Variants in ZKSCAN3 observed in about 807,000 individuals in gnomAD.
The protein encoded by ZKSCAN3 is zinc finger with KRAB and SCAN domains 3.
ZKSCAN3 carries 21 observed loss-of-function variants against 30.7 expected under a neutral mutation model. The observed-to-expected ratio is 0.68, with a 90% CI of 0.49 to 0.99. The LOEUF is 0.99. ZKSCAN3 is among the 50% of genes least tolerant of loss of function. The pLI, the probability that ZKSCAN3 is intolerant of heterozygous loss-of-function variation, is 0.00. For synonymous variants in ZKSCAN3, 201 were observed against 246.7 expected, an observed-to-expected ratio of 0.81 and a Z score of 1.73; for missense variants, 507 against 647.1, an observed-to-expected ratio of 0.78 and a Z score of 2.35.
At chr6:28,350,433 G>A (rs548436649) in intron 1 of ZKSCAN3, 1 of 152,314 alleles carries the variant, frequency 6.6e-6, no homozygotes, top group Non-Finnish European at 1.5e-5. Context: ...CTGGCCAAGA[G>A]CCAGAACGTT....
Position 28,361,353 on chromosome 6 carries a change from G to A in ZKSCAN3, c.432G>A (p.Leu144=), listed in dbSNP as rs773250052. 1.5e-5 allele frequency: 25 copies of A among 1,613,390 alleles called. No homozygotes were observed. Among genetic ancestry groups the A allele is most frequent in the Middle Eastern group, 3.3e-4 (2 of 6,084 alleles). The change falls in exon 3 of 6, where the codon CTG becomes CTA. Residue 144 remains leucine (L), a synonymous_variant. Coordinates refer to ENST00000252211, the MANE Select transcript of ZKSCAN3 (RefSeq NM_024493.4). ...CAGGTGTTGACCAGGGGCAAGAACT[G>A]CTCTGTTGCAAGATGGCACTATTGA... The part of the protein sequence containing the change: ...QVSGVDQGQE[L]LCCKMALLTP...
In ZKSCAN3 at chr6:28,361,455, G is replaced by C; in HGVS notation, c.534G>C (p.Gln178His). 6.2e-7 allele frequency: 1 copy of C among 1,611,284 alleles called. No individual in the cohort carries two copies. Among genetic ancestry groups the C allele is most frequent in the Non-Finnish European group, 8.5e-7 (1 of 1,179,254 alleles). The change falls in exon 3 of 6, where the codon CAG (glutamine) becomes CAC (histidine). Residue 178 changes from glutamine to histidine, a missense_variant. Gln to His is a conservative substitution (Grantham distance 24). Transcript: ENST00000252211. Reference protein sequence around the residue: ...ALLKHESVGSQPLQDRVLQVP... With the variant: ...ALLKHESVGSHPLQDRVLQVP... ...TCAAGCATGAATCTGTGGGATCCCA[G>C]CCTTTACAAGATAGAGGTAAGGATT... is the stretch of plus-strand genomic sequence containing the variant.
intron 1 of ZKSCAN3, chr6:28,350,386 A>T (rs1048648127): frequency 3.9e-5 from 6 of 152,306 alleles, no homozygotes; most frequent in African/African-American, 1.4e-4. Context: ...GCCTGGTAAC[A>T]AGGTCAGTTT....
chr6:28,363,269 G>A (rs1365428510), intron 3 of ZKSCAN3, 34 bp from the exon 4 acceptor site: 7 of 1,589,680 alleles, frequency 4.4e-6, no homozygotes, highest in Non-Finnish European at 6.0e-6. Flanking sequence ...TGAATGCCAG[G>A]GTACATCTCA....
chr6:28,357,163 G>A (rs1211154438), intron 1 of ZKSCAN3, among the ~76,000 whole-genome samples: 1 of 152,230 alleles, frequency 6.6e-6, no homozygotes, highest in Non-Finnish European at 1.5e-5. Context: ...ACGGAATTGT[G>A]TGCGTGCGCT....
chr6:28,366,009 C>T lies in ZKSCAN3; in HGVS notation c.1341C>T (p.Ile447=). The part of the protein sequence containing the change: ...RSSHLLRHQR[I]HTGDKNVQEP... ...CACATCTCCTGAGACATCAGAGGAT[C>T]CATACTGGGGATAAAAATGTTCAGG... The change falls in exon 6 of 6, where the codon ATC becomes ATT. Residue 447 remains isoleucine, a synonymous_variant. Coordinates refer to ENST00000252211, the MANE Select transcript of ZKSCAN3 (RefSeq NM_024493.4). 2 of 1,613,862 alleles carry T rather than the reference C, an allele frequency of 1.2e-6. No homozygotes were observed. The highest frequency in any genetic ancestry group is 1.7e-6 in the Non-Finnish European group (2 of 1,179,920).
rs185187827 is a variant in ZKSCAN3 at position 28,354,170 on chromosome 6, G to A, written c.-63+4103G>A. 2.9e-4 allele frequency: 103 copies of A among 349,736 alleles called. No homozygotes were observed. The East Asian group carries it at 7.5e-3, about 25-fold the overall frequency. The allele number at this position is 349,736 out of a possible 1,614,324, so 21.7% of individuals were successfully genotyped here. ...AAGATGGCCAGTTCTCTCTTACAGG[G>A]TCAGCAGTTTTTCTCTCTCTCTCTG... On this transcript the variant is annotated intron_variant, in intron 1 of 5. Coordinates refer to ENST00000252211, the MANE Select transcript of ZKSCAN3 (RefSeq NM_024493.4).
chr6:28,364,596 A>G (rs1765884619), intron 5 of ZKSCAN3, among the ~76,000 whole-genome samples: 1 of 152,182 alleles, frequency 6.6e-6, no homozygotes, highest in African/African-American at 2.4e-5. Context: ...TGGTGGCATA[A>G]AATTCACAGC....
chr6:28,350,704 A>G (rs213239), intron 1 of ZKSCAN3, among the ~76,000 whole-genome samples: 12,386 of 152,156 alleles, frequency 0.081, 696 homozygotes, highest in African/African-American at 0.14. Flanking sequence ...TGGCTTTTGT[A>G]CGGTTGCTTT....
chr6:28,353,729 T>C, intron 1 of ZKSCAN3: 1 of 427,420 alleles, frequency 2.3e-6, no homozygotes, highest in South Asian at 1.7e-5. Context: ...TTGCGAGTGA[T>C]TAAAGATAGT....
rs564512800 is a variant in ZKSCAN3 at position 28,356,119 on chromosome 6, A to G, written c.-62-3406A>G. The G allele has an allele frequency of 4.6e-5, 7 of 152,336 alleles. 1 individual carries two copies. The East Asian group carries it at 1.2e-3, about 25-fold the overall frequency. The allele number at this position is 152,336 out of a possible 1,614,324, so 9.4% of individuals were successfully genotyped here. A position where few individuals can be genotyped will look rare whatever the true frequency, so the allele number is the denominator to read the frequency against. ...AGGTTTAGGGACCAGTGGCTTGCCG[A>G]GTCCACATATTGCCTTTGGTTGTCC... On this transcript the variant is annotated intron_variant, in intron 1 of 5. Transcript: ENST00000252211.
At chr6:28,365,308 C>T (rs1019795960) in intron 5 of ZKSCAN3, 118 bp from the exon 6 acceptor site, 25 of 1,377,658 alleles carry the variant, frequency 1.8e-5, no homozygotes, top group Non-Finnish European at 3.0e-6. Flanking sequence ...CTTATTCTAG[C>T]ACTTAAATCC....
At position 28,366,190 on chromosome 6, in the gene ZKSCAN3, T is replaced by TATCA; in HGVS notation, c.1523_1526dup (p.Cys510SerfsTer3). 6.2e-7 allele frequency: 1 copy of TATCA among 1,606,630 alleles called. No homozygotes were observed. Among genetic ancestry groups the TATCA allele is most frequent in the Non-Finnish European group, 8.5e-7 (1 of 1,177,414 alleles). On this transcript the variant is annotated frameshift_variant, in exon 6 of 6. Coordinates refer to ENST00000252211, the MANE Select transcript of ZKSCAN3 (RefSeq NM_024493.4). LOFTEE classifies it high-confidence loss of function. ...AAAAATCCACACTGGTGAGAAACCC[T>TATCA]ATCAGTGTAATGCGTGTGGAAAAGG...
rs1561941020 is a variant in ZKSCAN3 at position 28,365,693 on chromosome 6, A to G, written c.1025A>G (p.Tyr342Cys). 1.9e-6 allele frequency: 3 copies of G among 1,614,132 alleles called. No homozygotes were observed. The highest frequency in any genetic ancestry group is 2.5e-6 in the Non-Finnish European group (3 of 1,179,966). ...HRRIHTGEKP[Y>C]ECEECGKAFI... ...AGAATCCACACTGGTGAGAAACCCT[A>G]CGAATGTGAAGAGTGTGGCAAAGCC... Residue 342 changes from tyrosine (Y) to cysteine (C), a missense_variant, in exon 6 of 6, where the codon TAC becomes TGC. Tyr to Cys is a radical substitution (Grantham distance 194, BLOSUM62 -2). Coordinates refer to ENST00000252211, the MANE Select transcript of ZKSCAN3 (RefSeq NM_024493.4).
rs1456901279 is a variant in ZKSCAN3, at chr6:28,359,707, G to C, written c.121G>C (p.Gly41Arg). Reference sequence around the variant, plus strand: ...CGGTTTTCCCAGTAGCCCAGATCTGGGTTCTGAGGGCTCCCGCGAGCGCTT... The same window carrying C: ...CGGTTTTCCCAGTAGCCCAGATCTGCGTTCTGAGGGCTCCCGCGAGCGCTT... ...EAGFPSSPDL[G>R]SEGSRERFRG... is the part of the protein sequence containing the mutation. The change falls in exon 2 of 6, where the codon GGT becomes CGT. Residue 41 changes from glycine to arginine, a missense_variant. Physicochemically the swap from Gly to Arg is moderately radical, Grantham distance 125. Coordinates refer to ENST00000252211, the MANE Select transcript of ZKSCAN3 (RefSeq NM_024493.4). 4 of 1,614,198 alleles carry C rather than the reference G, an allele frequency of 2.5e-6. No homozygotes were observed. Among genetic ancestry groups the C allele is most frequent in the Non-Finnish European group, 2.5e-6 (3 of 1,180,036 alleles).
rs1361361447 is a variant in ZKSCAN3 at position 28,359,722 on chromosome 6, C to T, written c.136C>T (p.Arg46Cys). Reference sequence around the variant, plus strand: ...CCCAGATCTGGGTTCTGAGGGCTCCCGCGAGCGCTTCCGAGGCTTCCGCTA... The same window carrying T: ...CCCAGATCTGGGTTCTGAGGGCTCCTGCGAGCGCTTCCGAGGCTTCCGCTA... ...SSPDLGSEGSRERFRGFRYPE... is the reference protein window; with the variant it reads ...SSPDLGSEGSCERFRGFRYPE... Residue 46 changes from arginine to cysteine, a missense_variant, in exon 2 of 6, where the codon CGC becomes TGC. Physicochemically the swap from Arg to Cys is radical, Grantham distance 180. Transcript: ENST00000252211. 1 of 1,614,012 alleles carries T rather than the reference C, an allele frequency of 6.2e-7. No homozygotes were observed. The highest frequency in any genetic ancestry group is 2.2e-5 in the East Asian group (1 of 44,894).
At chr6:28,360,125 G>A (rs758157700) in intron 2 of ZKSCAN3, 137 bp downstream of exon 2, 12 of 1,499,884 alleles carry the variant, frequency 8.0e-6, no homozygotes, top group East Asian at 2.4e-5. Flanking sequence ...TGGCAGTAAG[G>A]TGAAGTCCCT....
intron 2 of ZKSCAN3, chr6:28,360,569 G>A (rs1581735702): frequency 1.0e-6 from 1 of 985,360 alleles, no homozygotes; most frequent in Non-Finnish European, 1.2e-6. Flanking sequence ...AAAATGGGCC[G>A]ACTTTTACCT....
At position 28,356,303 on chromosome 6, in the gene ZKSCAN3, A is replaced by G. The variant is rs548540129; in HGVS notation, c.-62-3222A>G. On this transcript the variant is annotated intron_variant, in intron 1 of 5. Coordinates refer to ENST00000252211, the MANE Select transcript of ZKSCAN3 (RefSeq NM_024493.4). ...TTCCCGAATGACTTGCACTAAGTCT[A>G]TATACAACTGCCATCTACTGACAGT... The G allele has an allele frequency of 2.6e-5, 4 of 152,350 alleles. No homozygotes were observed. The South Asian group carries it at 6.2e-4, about 24-fold the overall frequency. The allele number at this position is 152,350 out of a possible 1,614,324, so 9.4% of individuals were successfully genotyped here.
Sources: gnomAD v4.1 joint callset for allele counts (sites outside exome capture counted in the v4.1 genomes callset) on GRCh38, gnomAD v4.1.1 for gene constraint, MANE v1.5 for transcripts, NCBI Gene and HGNC (gene_info 2026-07-23, HGNC 2026-07-21) for gene names.